ALMS1: variants seen among roughly 807,000 people sequenced by gnomAD.
ALMS1 encodes ALMS1 centrosome and basal body associated protein, also known as centrosome-associated protein ALMS1.
In ALMS1, 271 loss-of-function variants were observed where a neutral mutation model predicts 352.2. The ratio of observed to expected loss-of-function variants is 0.77; its 90% CI spans 0.70 to 0.85. ALMS1 has a LOEUF of 0.85. Among genes scored for constraint, ALMS1 ranks in the 40% least tolerant of loss-of-function variants. The pLI is 0.00. For synonymous variants in ALMS1, 1,865 were observed against 1,761.2 expected, an observed-to-expected ratio of 1.06 and a Z score of -1.48; for missense variants, 5,445 against 4,870.7, an observed-to-expected ratio of 1.12 and a Z score of -3.51.
chr2:73,524,852 T>A (rs2103972351), intron 11 of ALMS1, among the ~76,000 whole-genome samples: 1 of 152,334 alleles, frequency 6.6e-6, no homozygotes, highest in East Asian at 1.9e-4. Flanking sequence ...TATATTTTTA[T>A]ACCCATTAAC....
At chr2:73,455,729 A>G (rs1672045833) in intron 9 of ALMS1, among the ~76,000 whole-genome samples, 1 of 152,234 alleles carries the variant, frequency 6.6e-6, no homozygotes, top group Non-Finnish European at 1.5e-5. Flanking sequence ...AAAAGTTAAG[A>G]TATAAGTATT....
intron 12 of ALMS1, among the ~76,000 whole-genome samples, chr2:73,549,367 T>C (rs999042954): frequency 6.6e-6 from 1 of 152,196 alleles, no homozygotes; most frequent in African/African-American, 2.4e-5. Context: ...TAGCTAAATA[T>C]ATTATTATTT....
rs779649820 is a variant in ALMS1, at chr2:73,572,318, A to G, written c.10441A>G (p.Lys3481Glu). 1.5e-5 allele frequency: 24 copies of G among 1,606,100 alleles called. No individual in the cohort carries two copies. Among genetic ancestry groups the G allele is most frequent in the Non-Finnish European group, 2.0e-5 (24 of 1,177,066 alleles). The part of the protein sequence containing the change: ...NTTRSVFRSA[K>E]FYIHHPVHLP... ...TACCCGTTCTGTCTTCAGGTCAGCAAAGTTTTACATTCATCATCCCGTACA... is the reference window on the plus strand; with the variant it reads ...TACCCGTTCTGTCTTCAGGTCAGCAGAGTTTTACATTCATCATCCCGTACA... The change falls in exon 16 of 23, where the codon AAG becomes GAG. Residue 3481 changes from lysine (K) to glutamate (E), a missense_variant. By Grantham distance (56) the Lys-to-Glu change is moderately conservative. Coordinates refer to ENST00000613296, the MANE Select transcript of ALMS1 (RefSeq NM_001378454.1).
chr2:73,555,326 A>G (rs908981354), intron 13 of ALMS1, among the ~76,000 whole-genome samples: 4 of 152,224 alleles, frequency 2.6e-5, no homozygotes, highest in South Asian at 2.1e-4. Context: ...GTGGAAACCT[A>G]ACATACACAG....
Position 73,385,921 on chromosome 2 carries a change from AGG to A in ALMS1, c.54_55del (p.Glu19GlyfsTer107). 1.1e-6 allele frequency: 1 copy of A among 927,540 alleles called. No homozygotes were observed. The highest frequency in any genetic ancestry group is 1.7e-6 in the Non-Finnish European group (1 of 589,998). 57.5% of individuals were successfully genotyped at this position (927,540 alleles called of 1,614,324 possible). On this transcript the variant is annotated frameshift_variant, in exon 1 of 23. Transcript: ENST00000613296. LOFTEE classifies it high-confidence loss of function. ...GGCGAGCTGGAGGAGGAGGAGGAGG[AGG>A]AGGAGGAGGAGGAGGAGGAAGAGGA... is the stretch of plus-strand genomic sequence containing the variant.
At chr2:73,392,760 G>GT (rs199626728) in intron 1 of ALMS1, among the ~76,000 whole-genome samples, 5 of 151,924 alleles carry the variant, frequency 3.3e-5, no homozygotes, top group Non-Finnish European at 5.9e-5. Context: ...TGATGGACAT[G>GT]TTTTTTTTCC....
At chr2:73,604,233 T>TTAA (rs1675765612) in intron 21 of ALMS1, among the ~76,000 whole-genome samples, 1 of 151,862 alleles carries the variant, frequency 6.6e-6, no homozygotes, top group Non-Finnish European at 1.5e-5. Context: ...TAGCTACTCG[T>TTAA]TAATTAATTC....
At chr2:73,464,886 C>A (rs1672295587) in intron 9 of ALMS1, among the ~76,000 whole-genome samples, 1 of 152,082 alleles carries the variant, frequency 6.6e-6, no homozygotes, top group South Asian at 2.1e-4. Context: ...ATCCAACTTA[C>A]AAGGGATGGA....
At chr2:73,517,903 C>A (rs1212823007) in intron 10 of ALMS1, among the ~76,000 whole-genome samples, 2 of 152,072 alleles carry the variant, frequency 1.3e-5, no homozygotes, top group African/African-American at 4.8e-5. Flanking sequence ...GGTGATCCAC[C>A]CACCTCAGCC....
chr2:73,408,531 T>C, intron 1 of ALMS1, 91 bp from the exon 2 acceptor site: 1 of 1,408,240 alleles, frequency 7.1e-7, no homozygotes, highest in Non-Finnish European at 9.8e-7. Context: ...CTTTATAAAC[T>C]GGGAAGTATG....
chr2:73,401,691 T>G (rs184991855), intron 1 of ALMS1, among the ~76,000 whole-genome samples: 6 of 151,722 alleles, frequency 4.0e-5, no homozygotes, highest in Non-Finnish European at 8.8e-5. Context: ...CTTTTTTTTT[T>G]TGTGGCAAGA....
At chr2:73,481,260 G>A (rs1672697609) in intron 9 of ALMS1, among the ~76,000 whole-genome samples, 1 of 152,168 alleles carries the variant, frequency 6.6e-6, no homozygotes, top group South Asian at 2.1e-4. Flanking sequence ...TGTATACGGT[G>A]TAAGGAAGGG....
At chr2:73,482,415 C>T (rs1047724056) in intron 9 of ALMS1, among the ~76,000 whole-genome samples, 2 of 149,322 alleles carry the variant, frequency 1.3e-5, no homozygotes, top group Non-Finnish European at 1.5e-5. Flanking sequence ...GCCTTGCATC[C>T]CAGGGATGAA....
intron 15 of ALMS1, among the ~76,000 whole-genome samples, chr2:73,567,017 TCTC>T (rs1383724300): frequency 6.6e-6 from 1 of 152,178 alleles, no homozygotes; most frequent in Non-Finnish European, 1.5e-5. Context: ...CCTCCCAGCT[TCTC>T]CTGTGTTCAC....
intron 10 of ALMS1, among the ~76,000 whole-genome samples, chr2:73,517,112 G>T (rs1673574277): frequency 6.6e-6 from 1 of 151,802 alleles, no homozygotes; most frequent in African/African-American, 2.4e-5. Flanking sequence ...TTTTCAATTA[G>T]TGAATGGTAG....
chr2:73,499,280 T>C (rs1347969467), intron 10 of ALMS1, among the ~76,000 whole-genome samples: 1 of 152,202 alleles, frequency 6.6e-6, no homozygotes, highest in Non-Finnish European at 1.5e-5. Flanking sequence ...TTTGCAGATA[T>C]TCTCTTCCAT....
At chr2:73,533,948 A>C (rs1249230556) in intron 11 of ALMS1, among the ~76,000 whole-genome samples, 1 of 152,144 alleles carries the variant, frequency 6.6e-6, no homozygotes. Flanking sequence ...GTGATGGGGG[A>C]GAATAAGTAT....
Position 73,491,027 on chromosome 2 carries a change from C to G in ALMS1, c.9068C>G (p.Ser3023Ter). ...EAKFNTVVSQ[S>*]APNHCTLAAS... ...AAGTTCAATACTGTGGTCTCCCAGT[C>G]AGCCCCAAATCACTGTACATTAGCA... is the stretch of plus-strand genomic sequence containing the variant. Residue 3023 changes from serine (S) to a stop codon, truncating the protein, a stop_gained, in exon 10 of 23, where the codon TCA (serine) becomes TGA (stop). Transcript: ENST00000613296. LOFTEE classifies it high-confidence loss of function. 1 of 1,614,202 alleles carries G rather than the reference C, an allele frequency of 6.2e-7. No homozygotes were observed. Among genetic ancestry groups the G allele is most frequent in the Non-Finnish European group, 8.5e-7 (1 of 1,180,032 alleles).
At chr2:73,385,828 C>G (rs548057920), upstream of ALMS1, 15 of 665,040 alleles carry the variant, frequency 2.3e-5, no homozygotes, top group Admixed American at 6.3e-5. Context: ...CTCCCTCCCC[C>G]CCTCCTCCTC....
Sources: gnomAD v4.1 joint callset for allele counts (sites outside exome capture counted in the v4.1 genomes callset) on GRCh38, gnomAD v4.1.1 for gene constraint, MANE v1.5 for transcripts, NCBI Gene and HGNC (gene_info 2026-07-23, HGNC 2026-07-21) for gene names.